The following ATP6V0E2 variants were observed in gnomAD, a reference collection of about 807,000 sequenced individuals.
ATP6V0E2 encodes V-type proton ATPase subunit e 2.
In ATP6V0E2, 4 loss-of-function variants were observed where a neutral mutation model predicts 11.5. The ratio of observed to expected loss-of-function variants is 0.35; its 90% confidence interval spans 0.17 to 0.80. The LOEUF is 0.80. ATP6V0E2 is among the 30% of genes least tolerant of loss of function. The pLI, the probability that ATP6V0E2 is intolerant of heterozygous loss-of-function variation, is 0.53. For synonymous variants in ATP6V0E2, 52 were observed against 51.0 expected, an observed-to-expected ratio of 1.02 and a Z score of -0.09; for missense variants, 93 against 113.5, an observed-to-expected ratio of 0.82 and a Z score of 0.82.
At chr7:149,873,929 G>T, upstream of ATP6V0E2, 1 of 1,527,024 alleles carries the variant, frequency 6.5e-7, no homozygotes. Context: ...ATGCGCGTGC[G>T]CGGCCCGGCC....
intron 2 of ATP6V0E2, among the ~76,000 whole-genome samples, chr7:149,877,931 C>T (rs1326124577): frequency 6.6e-6 from 1 of 152,198 alleles, no homozygotes; most frequent in Non-Finnish European, 1.5e-5. Flanking sequence ...GCTTCCTGGG[C>T]GTTAGGTCCT....
At chr7:149,876,134 T>C (rs1803119580) in intron 2 of ATP6V0E2, 1 of 455,056 alleles carries the variant, frequency 2.2e-6, no homozygotes. Context: ...TCCCAGCACT[T>C]TGGGAGGCTG....
upstream of ATP6V0E2, chr7:149,873,940 C>A (rs1324686892): frequency 1.3e-6 from 2 of 1,539,770 alleles, no homozygotes; most frequent in Non-Finnish European, 1.7e-6. Flanking sequence ...CGGCCCGGCC[C>A]GGCTGATCGC....
upstream of ATP6V0E2, chr7:149,873,572 T>G: frequency 9.5e-6 from 2 of 210,102 alleles, no homozygotes; most frequent in South Asian, 1.8e-4. Context: ...AGCGAGGCCG[T>G]TCCTCCCGCG....
chr7:149,878,840 T>TGTGGTTAGAGTTC lies in ATP6V0E2; in HGVS notation c.*19+50_*19+51insGTGGTTAGAGTTC, dbSNP rs775970751. On this transcript the variant is annotated intron_variant, in intron 3 of 3. Coordinates refer to ENST00000425642, the MANE Select transcript of ATP6V0E2 (RefSeq NM_145230.4). ...GTGGGGAAGAGGGGAAAGACAAGGC[T>TGTGGTTAGAGTTC]TTCCCACACCCAGGGCAGGCCTCGG... The TGTGGTTAGAGTTC allele has an allele frequency of 6.9e-4, 803 of 1,160,084 alleles. 2 individuals are homozygous for TGTGGTTAGAGTTC. Among genetic ancestry groups the TGTGGTTAGAGTTC allele is most frequent in the Non-Finnish European group, 8.3e-4 (682 of 818,302 alleles). The allele number at this position is 1,160,084 out of a possible 1,614,324, so 71.9% of individuals were successfully genotyped here.
intron 2 of ATP6V0E2, among the ~76,000 whole-genome samples, chr7:149,876,379 A>G (rs2128948300): frequency 6.6e-6 from 1 of 152,154 alleles, no homozygotes; most frequent in Admixed American, 6.5e-5. Context: ...CCGACTCTAA[A>G]AAAAGAACCA....
Position 149,879,448 on chromosome 7 carries a change from AC to A in ATP6V0E2, c.*136del. The A allele has an allele frequency of 6.3e-7, 1 of 1,598,300 alleles. No homozygotes were observed. Among genetic ancestry groups the A allele is most frequent in the African/African-American group, 1.3e-5 (1 of 74,380 alleles). Reference sequence around the variant, plus strand: ...AGCTCCCTCCTGCTGGCACCCAGAGACCCGGACCCGCAGGGCCTGCCTGGTT... The same window carrying A: ...AGCTCCCTCCTGCTGGCACCCAGAGACCGGACCCGCAGGGCCTGCCTGGTT... On this transcript the variant is annotated 3_prime_UTR_variant, in exon 4 of 4. Transcript: ENST00000425642.
At chr7:149,875,546 C>T (rs1803078891) in intron 1 of ATP6V0E2, 52 bp from the exon 2 acceptor site, 1 of 1,600,536 alleles carries the variant, frequency 6.2e-7, no homozygotes, top group Non-Finnish European at 8.6e-7. Context: ...CTGGCCAGGC[C>T]TTGTGAGGTG....
intron 2 of ATP6V0E2, among the ~76,000 whole-genome samples, chr7:149,877,945 A>G (rs1051595662): frequency 1.3e-5 from 2 of 152,196 alleles, no homozygotes; most frequent in African/African-American, 4.8e-5. Flanking sequence ...AGGTCCTCCT[A>G]CCTACTGTGA....
In ATP6V0E2 at chr7:149,878,660, C is replaced by T. The variant is rs1803284593; in HGVS notation, c.153-18C>T. The T allele has an allele frequency of 6.8e-7, 1 of 1,472,548 alleles. No individual in the cohort carries two copies. The highest frequency in any genetic ancestry group is 2.9e-5 in the African/African-American group (1 of 34,980). 91.2% of individuals were successfully genotyped at this position (1,472,548 alleles called of 1,614,324 possible). ...ACCCTCCTGTGCCAGGCTCACCATG[C>T]TTTGCTGTCCCTGGCAGCTGGCTCA... is the stretch of plus-strand genomic sequence containing the variant. On this transcript the variant is annotated intron_variant, in intron 2 of 3. Transcript: ENST00000425642.
At chr7:149,874,687 C>T (rs1803033651) in intron 1 of ATP6V0E2, 1 of 154,064 alleles carries the variant, frequency 6.5e-6, no homozygotes, top group South Asian at 2.0e-4. Context: ...CGCCATTCAC[C>T]AGTTTCTGCT....
chr7:149,879,144 C>A (rs971831160), intron 3 of ATP6V0E2, 191 bp from the exon 4 acceptor site: 4 of 1,396,810 alleles, frequency 2.9e-6, no homozygotes, highest in South Asian at 1.8e-5. Flanking sequence ...GCTCCCAGCA[C>A]CCCCCTCCCC....
intron 3 of ATP6V0E2, 135 bp from the exon 4 acceptor site, chr7:149,879,200 C>T: frequency 2.1e-6 from 3 of 1,399,432 alleles, no homozygotes; most frequent in Admixed American, 3.1e-5. Flanking sequence ...AACCTGGGCC[C>T]TAACCTGGAC....
At chr7:149,875,794 G>A (rs988413554) in intron 2 of ATP6V0E2, 149 bp downstream of exon 2, 13 of 824,924 alleles carry the variant, frequency 1.6e-5, no homozygotes, top group Middle Eastern at 4.5e-4. Context: ...GAGGTGGTGT[G>A]GAATGGGAAA....
intron 3 of ATP6V0E2, chr7:149,879,118 A>T: frequency 7.1e-7 from 1 of 1,398,784 alleles, no homozygotes; most frequent in Non-Finnish European, 9.2e-7. Flanking sequence ...GCCGCCAGGG[A>T]TGAAATGGGA....
chr7:149,875,826 A>G (rs1404207490), intron 2 of ATP6V0E2, 181 bp downstream of exon 2: 5 of 684,254 alleles, frequency 7.3e-6, no homozygotes, highest in African/African-American at 5.3e-5. Flanking sequence ...GCCAGAAGTC[A>G]TGAACCCTGG....
chr7:149,880,172 T>C lies in ATP6V0E2; in HGVS notation c.*857T>C, dbSNP rs1164913498. The C allele has an allele frequency of 6.5e-6, 1 of 153,132 alleles. No individual in the cohort carries two copies. Among genetic ancestry groups the C allele is most frequent in the Non-Finnish European group, 1.5e-5 (1 of 68,778 alleles). The allele number at this position is 153,132 out of a possible 1,614,324, so 9.5% of individuals were successfully genotyped here. On this transcript the variant is annotated 3_prime_UTR_variant, in exon 4 of 4. Transcript: ENST00000425642. ...GGAAGGGGCAATGTGAGTGGCGCTA[T>C]GGGACGGGCCAGCCCTGCTCCTGAG...
upstream of ATP6V0E2, chr7:149,873,788 C>T: frequency 3.9e-6 from 5 of 1,295,708 alleles, no homozygotes; most frequent in Non-Finnish European, 3.1e-6. Context: ...GACCCTATAA[C>T]CCATCGCCGA....
chr7:149,876,834 A>T (rs565207434), intron 2 of ATP6V0E2, among the ~76,000 whole-genome samples: 10 of 152,346 alleles, frequency 6.6e-5, no homozygotes, highest in African/African-American at 2.4e-4. Context: ...GGACAGGTAA[A>T]GTGATGAGAT....
Sources: gnomAD v4.1 joint callset for allele counts (sites outside exome capture counted in the v4.1 genomes callset) on GRCh38, gnomAD v4.1.1 for gene constraint, MANE v1.5 for transcripts, NCBI Gene and HGNC (gene_info 2026-07-23, HGNC 2026-07-21) for gene names.